Variants in PJA2 observed in about 807,000 individuals in gnomAD.
The protein encoded by PJA2 is praja ring finger ubiquitin ligase 2.
Under a neutral mutation model 69.3 loss-of-function variants are expected in PJA2, and 25 were observed. The ratio of observed to expected loss-of-function variants is 0.36; its 90% confidence interval spans 0.26 to 0.50. The LOEUF (loss-of-function observed/expected upper bound fraction) is 0.50, where lower values mean the gene tolerates loss of function less well. PJA2 is among the 20% of genes least tolerant of loss of function. PJA2 has a pLI of 0.96. For synonymous variants in PJA2, 308 were observed against 277.8 expected (o/e 1.11, Z -1.08); for missense variants, 809 against 830.2 (o/e 0.97, Z 0.31).
chr5:109,354,238 T>G (rs62643553), intron 7 of PJA2, among the ~76,000 whole-genome samples: 24 of 43,638 alleles, frequency 5.5e-4, no homozygotes, highest in Non-Finnish European at 7.8e-4. Context: ...GTCTAGAGAT[T>G]TCTATAGATT....
chr5:109,357,647 G>A (rs1762435014), intron 6 of PJA2, among the ~76,000 whole-genome samples: 1 of 152,218 alleles, frequency 6.6e-6, no homozygotes, highest in South Asian at 2.1e-4. Flanking sequence ...TGGCACCACA[G>A]TAGACATTCA....
chr5:109,341,820 G>C (rs1198965116), intron 9 of PJA2, among the ~76,000 whole-genome samples: 21 of 116,056 alleles, frequency 1.8e-4, no homozygotes, highest in African/African-American at 6.2e-4. Context: ...GTCCGGGAGG[G>C]AGGTGGGGGG....
At chr5:109,393,063 C>T (rs1308570585) in intron 1 of PJA2, among the ~76,000 whole-genome samples, 1 of 151,958 alleles carries the variant, frequency 6.6e-6, no homozygotes, top group Non-Finnish European at 1.5e-5. Context: ...AAAAGGAAAT[C>T]CACAAATGAG....
intron 7 of PJA2, among the ~76,000 whole-genome samples, chr5:109,354,547 T>TATATCGATATTAC (rs1554053656): frequency 3.6e-5 from 5 of 137,412 alleles, no homozygotes; most frequent in African/African-American, 1.1e-4. Context: ...TATAGATATC[T>TATATCGATATTAC]ATATCGATAT....
Position 109,361,695 on chromosome 5 carries a change from T to C in PJA2, c.1652+1145A>G, listed in dbSNP as rs148072957. On this transcript the variant is annotated intron_variant, in intron 6 of 9. Transcript: ENST00000361189. ...AAAGCCACTTATTCTCCATAATGCA[T>C]GGGAAACCAGAAAATGTGTTTTAGA... Among the ~76,000 whole-genome samples, 1,195 of 152,338 alleles carry C rather than the reference T, an allele frequency of 7.8e-3. 8 individuals are homozygous for C. The highest frequency in any genetic ancestry group is 0.011 in the Non-Finnish European group (752 of 68,026).
At chr5:109,380,941 C>T (rs1421025113) in intron 3 of PJA2, among the ~76,000 whole-genome samples, 1 of 151,602 alleles carries the variant, frequency 6.6e-6, no homozygotes, top group African/African-American at 2.4e-5. Context: ...GTGGTGAAAC[C>T]CTGTCTCTAC....
At chr5:109,344,683 T>C (rs760246827) in intron 8 of PJA2, 22 bp downstream of exon 8, 18 of 1,474,578 alleles carry the variant, frequency 1.2e-5, no homozygotes, top group Non-Finnish European at 1.6e-5. Flanking sequence ...TCTTCAACAT[T>C]TGAGATCAAC....
At chr5:109,346,782 A>G (rs113851786) in intron 7 of PJA2, among the ~76,000 whole-genome samples, 98 of 152,364 alleles carry the variant, frequency 6.4e-4, no homozygotes, top group African/African-American at 2.0e-3. Flanking sequence ...TACTGTTTAC[A>G]GCAATGTGAA....
intron 5 of PJA2, among the ~76,000 whole-genome samples, 197 bp downstream of exon 5, chr5:109,368,364 A>G (rs1364378879): frequency 6.6e-6 from 1 of 152,240 alleles, no homozygotes; most frequent in Non-Finnish European, 1.5e-5. Context: ...GTATCTCCAT[A>G]AACGATACTG....
At chr5:109,395,761 G>C (rs1473123176) in intron 1 of PJA2, among the ~76,000 whole-genome samples, 1 of 152,146 alleles carries the variant, frequency 6.6e-6, no homozygotes, top group African/African-American at 2.4e-5. Context: ...CACTTTGGGA[G>C]GCCGAGGCCA....
chr5:109,356,126 C>T, intron 6 of PJA2, 100 bp from the exon 7 acceptor site: 2 of 772,548 alleles, frequency 2.6e-6, no homozygotes, highest in Non-Finnish European at 2.1e-6. Flanking sequence ...AGCCGATAAA[C>T]ATGCTGTGAA....
At chr5:109,381,258 C>T (rs560920979) in intron 3 of PJA2, among the ~76,000 whole-genome samples, 10 of 152,162 alleles carry the variant, frequency 6.6e-5, no homozygotes, top group Non-Finnish European at 1.3e-4. Flanking sequence ...GTTATGACAA[C>T]GTAATCACTA....
intron 1 of PJA2, among the ~76,000 whole-genome samples, chr5:109,408,450 T>C (rs1306521850): frequency 2.6e-5 from 4 of 152,160 alleles, no homozygotes; most frequent in Non-Finnish European, 5.9e-5. Flanking sequence ...GAGACCTATA[T>C]GTAAAAAGTA....
chr5:109,393,128 A>G (rs777918300), intron 1 of PJA2, among the ~76,000 whole-genome samples: 3 of 152,222 alleles, frequency 2.0e-5, no homozygotes, highest in Non-Finnish European at 4.4e-5. Flanking sequence ...AGGATATATA[A>G]CATACTCCTA....
In PJA2 at chr5:109,336,472, T is replaced by C. The variant is rs1407063522; in HGVS notation, c.*759A>G. 6.6e-6 allele frequency: 1 copy of C among 152,048 alleles called. No homozygotes were observed. Among genetic ancestry groups the C allele is most frequent in the Non-Finnish European group, 1.5e-5 (1 of 68,022 alleles). 9.4% of individuals were successfully genotyped at this position (152,048 alleles called of 1,614,324 possible). A position where few individuals can be genotyped will look rare whatever the true frequency, so the allele number is the denominator to read the frequency against. On this transcript the variant is annotated 3_prime_UTR_variant, in exon 10 of 10. Coordinates refer to ENST00000361189, the MANE Select transcript of PJA2 (RefSeq NM_014819.5). ...TTTAACCAAGGAGAAACAGGTTGGG[T>C]AAGAGGTTAGAAAGAGTTTCATAAG... is the stretch of plus-strand genomic sequence containing the variant.
chr5:109,378,821 A>T lies in PJA2; in HGVS notation c.666T>A (p.Phe222Leu). Residue 222 changes from phenylalanine to leucine, a missense_variant, in exon 4 of 10, where the codon TTT becomes TTA. By Grantham distance (22) the Phe-to-Leu change is conservative. Coordinates refer to ENST00000361189, the MANE Select transcript of PJA2 (RefSeq NM_014819.5). ...YTGLSPPVPS[F>L]NCEVRDEFEE... ...CAAACTCATCTCTTACTTCACAGTT[A>T]AATGAGGGAACTGGTGGTGAAAGAC... is the stretch of plus-strand genomic sequence containing the variant. The T allele has an allele frequency of 6.2e-7, 1 of 1,613,682 alleles. No individual in the cohort carries two copies. The highest frequency in any genetic ancestry group is 8.5e-7 in the Non-Finnish European group (1 of 1,180,020).
In PJA2 at chr5:109,383,417, T is replaced by TCA. The variant is rs1290141428; in HGVS notation, c.15_16dup (p.Glu6ValfsTer45). On this transcript the variant is annotated frameshift_variant, in exon 2 of 10. Transcript: ENST00000361189. LOFTEE classifies it high-confidence loss of function. ...ACTTTCCTTACCTGCTGGCTCCTTT[T>TCA]CAGTGTACTGTGACATATATGGCAG... 6.2e-7 allele frequency: 1 copy of TCA among 1,613,384 alleles called. No individual in the cohort carries two copies. Among genetic ancestry groups the TCA allele is most frequent in the Non-Finnish European group, 8.5e-7 (1 of 1,179,530 alleles).
Position 109,378,724 on chromosome 5 carries a change from C to T in PJA2, c.763G>A (p.Glu255Lys). 1 of 1,612,990 alleles carries T rather than the reference C, an allele frequency of 6.2e-7. No individual in the cohort carries two copies. The highest frequency in any genetic ancestry group is 1.1e-5 in the South Asian group (1 of 91,072). The change falls in exon 4 of 10, where the codon GAA becomes AAA. Residue 255 changes from glutamate (E) to lysine (K), a missense_variant. By Grantham distance (56) the Glu-to-Lys change is moderately conservative. Transcript: ENST00000361189. Reference sequence around the variant, plus strand: ...TCATCTTGAGAAGACCTCTGAATTTCCTGGCTATTCTGATGGACAAACTCA... The same window carrying T: ...TCATCTTGAGAAGACCTCTGAATTTTCTGGCTATTCTGATGGACAAACTCA... ...DTEFVHQNSQ[E>K]IQRSSQDEMV... is the part of the protein sequence containing the mutation.
intron 3 of PJA2, among the ~76,000 whole-genome samples, chr5:109,380,054 G>A (rs557425222): frequency 1.1e-4 from 17 of 150,066 alleles, no homozygotes; most frequent in Admixed American, 2.6e-4. Flanking sequence ...TATATGGTAC[G>A]AAGGGTTCTT....
Sources: allele counts gnomAD v4.1 joint callset (sites outside exome capture counted in the v4.1 genomes callset), GRCh38; gene constraint gnomAD v4.1.1; transcripts MANE v1.5; gene names NCBI Gene and HGNC (gene_info 2026-07-23, HGNC 2026-07-21).